The following SYCE2 variants were observed in gnomAD, a reference collection of about 807,000 sequenced individuals.
The protein encoded by SYCE2 is central element synaptonemal complex 1.
A neutral mutation model predicts 27.9 loss-of-function variants in SYCE2; 3 were observed. The ratio of observed to expected loss-of-function variants is 0.11; its 90% CI spans 0.05 to 0.28. The LOEUF (loss-of-function observed/expected upper bound fraction) is 0.28. Ranked by LOEUF, SYCE2 falls within the 10% of genes least tolerant of loss-of-function variation. The pLI is 1.00. For synonymous variants in SYCE2, 85 were observed against 100.7 expected (o/e 0.84, Z 0.93); for missense variants, 207 against 263.5 (o/e 0.79, Z 1.48).
At chr19:12,899,751 C>T in intron 5 of SYCE2, 1 of 1,610,850 alleles carries the variant, frequency 6.2e-7, no homozygotes, top group Non-Finnish European at 8.5e-7. Context: ...TAGAGCGTCT[C>T]AATCCACTTT....
At chr19:12,900,390 CA>C in intron 4 of SYCE2, 69 bp downstream of exon 4, 1 of 1,532,920 alleles carries the variant, frequency 6.5e-7, no homozygotes. Flanking sequence ...TTTCTGTTCA[CA>C]TTTACTCTTG....
chr19:12,919,286 C>A lies in SYCE2; in HGVS notation c.-29G>T. The A allele has an allele frequency of 2.5e-6, 4 of 1,608,732 alleles. No individual in the cohort carries two copies. The highest frequency in any genetic ancestry group is 3.4e-6 in the Non-Finnish European group (4 of 1,179,956). On this transcript the variant is annotated 5_prime_UTR_variant, in exon 1 of 6. Coordinates refer to ENST00000293695, the MANE Select transcript of SYCE2 (RefSeq NM_001105578.2). ...GTATTTTCCCGCCTTCAAGCTCGCA[C>A]CCTCTGCGCATGCGCCGACCCCGCC...
At chr19:12,902,462 T>C (rs544966139) in intron 3 of SYCE2, among the ~76,000 whole-genome samples, 4 of 152,066 alleles carry the variant, frequency 2.6e-5, no homozygotes, top group Non-Finnish European at 5.9e-5. Context: ...ATCCCATCTC[T>C]ACAAAAAAAA....
At chr19:12,911,875 C>T (rs1048093077) in intron 2 of SYCE2, among the ~76,000 whole-genome samples, 2 of 151,880 alleles carry the variant, frequency 1.3e-5, no homozygotes, top group African/African-American at 4.8e-5. Context: ...GCCTTGGCCT[C>T]CCAAATTGCT....
rs557682903 is a variant in SYCE2 at position 12,914,527 on chromosome 19, A to G, written c.131+3695T>C. On this transcript the variant is annotated intron_variant, in intron 2 of 5. Transcript: ENST00000293695. ...CCCTGCTAAAGGCCACCCCCCCCAC[A>G]CCCCCCATAAAAGCCTCCCACTAGA... is the stretch of plus-strand genomic sequence containing the variant. Among the ~76,000 whole-genome samples the G allele has an allele frequency of 1.4e-4, 12 of 85,930 alleles. No individual in the cohort carries two copies. The East Asian group carries it at 3.7e-3, about 27-fold the overall frequency. 56.4% of individuals were successfully genotyped at this position (85,930 alleles called of 152,430 possible).
intron 3 of SYCE2, among the ~76,000 whole-genome samples, chr19:12,901,681 TC>T (rs1482225849): frequency 6.6e-6 from 1 of 152,108 alleles, no homozygotes; most frequent in Non-Finnish European, 1.5e-5. Flanking sequence ...AATGGCATGA[TC>T]TTGGCTCACT....
At chr19:12,907,219 T>G (rs1442416721) in intron 2 of SYCE2, among the ~76,000 whole-genome samples, 1 of 152,192 alleles carries the variant, frequency 6.6e-6, no homozygotes. Context: ...TGCTGTTCTC[T>G]TTACGACATG....
intron 1 of SYCE2, among the ~76,000 whole-genome samples, chr19:12,918,783 C>G (rs1971186754): frequency 6.6e-6 from 1 of 152,080 alleles, no homozygotes; most frequent in Admixed American, 6.6e-5. Context: ...GAAACCCCGT[C>G]TCTACTAAAA....
chr19:12,907,686 C>T (rs1008900360), intron 2 of SYCE2, among the ~76,000 whole-genome samples: 6 of 152,020 alleles, frequency 3.9e-5, no homozygotes, highest in African/African-American at 1.4e-4. Context: ...AGCTACTAGG[C>T]GGACTGAGGC....
At position 12,914,776 on chromosome 19, in the gene SYCE2, A is replaced by G. The variant is rs1367144135; in HGVS notation, c.131+3446T>C. 2.0e-5 allele frequency among the ~76,000 whole-genome samples: 3 copies of G among 151,940 alleles called. No homozygotes were observed. In the East Asian group the frequency reaches 5.8e-4, roughly 29 times the overall value. ...AGGCATGCACCACCACCCCTGGCTA[A>G]TTTTGTATTTTTAGTAGAGACGGGG... On this transcript the variant is annotated intron_variant, in intron 2 of 5. Transcript: ENST00000293695.
At chr19:12,918,486 G>T in intron 1 of SYCE2, 149 bp from the exon 2 acceptor site, 1 of 694,164 alleles carries the variant, frequency 1.4e-6, no homozygotes, top group Non-Finnish European at 2.5e-6. Flanking sequence ...TGGGGCAGGT[G>T]CCATGAGGGC....
chr19:12,916,226 C>T (rs919059135), intron 2 of SYCE2, among the ~76,000 whole-genome samples: 4 of 152,074 alleles, frequency 2.6e-5, no homozygotes, highest in South Asian at 4.1e-4. Flanking sequence ...TGCGCCACCA[C>T]GCCTGGCTAA....
At chr19:12,905,550 C>T (rs1178521091) in intron 2 of SYCE2, among the ~76,000 whole-genome samples, 2 of 152,188 alleles carry the variant, frequency 1.3e-5, no homozygotes, top group African/African-American at 4.8e-5. Flanking sequence ...CCAGGATGGT[C>T]TCCATCTCCT....
At chr19:12,915,663 G>A (rs1002159879) in intron 2 of SYCE2, among the ~76,000 whole-genome samples, 1 of 150,604 alleles carries the variant, frequency 6.6e-6, no homozygotes, top group Non-Finnish European at 1.5e-5. Context: ...AGCTGTTACT[G>A]AAAAAACCTC....
intron 2 of SYCE2, among the ~76,000 whole-genome samples, chr19:12,905,896 A>G (rs529102973): frequency 9.9e-5 from 15 of 152,006 alleles, no homozygotes; most frequent in Non-Finnish European, 2.1e-4. Flanking sequence ...GATTACAGGC[A>G]TGAGCCACTG....
rs192381467 is a variant in SYCE2, at chr19:12,910,100, C to T, written c.132-5434G>A. 4.8e-3 allele frequency among the ~76,000 whole-genome samples: 724 copies of T among 151,370 alleles called. 20 individuals carry two copies. Among genetic ancestry groups the T allele is most frequent in the Admixed American group, 0.041 (625 of 15,180 alleles). The stretch of plus-strand genomic sequence containing the variant: ...CAGGCTGGTCTCCAACTCCTGACCT[C>T]GTGATCTACCTGCCTCAGCCTCCCA... On this transcript the variant is annotated intron_variant, in intron 2 of 5. Transcript: ENST00000293695.
rs144685807 is a variant in SYCE2 at position 12,918,812 on chromosome 19, G to C, written c.15+431C>G. ...ACTAAAAATACAAAAATTAGCTGAC[G>C]TGGTGGTGCGTGCCTGTAATCCCAG... On this transcript the variant is annotated intron_variant, in intron 1 of 5. Transcript: ENST00000293695. Among the ~76,000 whole-genome samples the C allele has an allele frequency of 1.6e-3, 239 of 151,990 alleles. 5 individuals are homozygous for C. The highest frequency in any genetic ancestry group is 5.6e-3 in the African/African-American group (233 of 41,488).
At chr19:12,903,094 C>CTTT (rs1298868407) in intron 3 of SYCE2, among the ~76,000 whole-genome samples, 9 of 129,324 alleles carry the variant, frequency 7.0e-5, no homozygotes, top group African/African-American at 2.5e-4. Flanking sequence ...TCTTTTTCTT[C>CTTT]TTTTTTTTTT....
At chr19:12,912,984 A>C (rs1278419741) in intron 2 of SYCE2, among the ~76,000 whole-genome samples, 4 of 152,176 alleles carry the variant, frequency 2.6e-5, no homozygotes, top group African/African-American at 4.8e-5. Context: ...GCCTGCATTC[A>C]CCAATTAACT....
Sources: allele counts gnomAD v4.1 joint callset (sites outside exome capture counted in the v4.1 genomes callset), GRCh38; gene constraint gnomAD v4.1.1; transcripts MANE v1.5; gene names NCBI Gene and HGNC (gene_info 2026-07-23, HGNC 2026-07-21).